Variants in IGF1R observed in about 807,000 individuals in gnomAD.
IGF1R encodes insulin like growth factor 1 receptor, also known as insulin-like growth factor 1 receptor.
IGF1R carries 44 observed loss-of-function variants against 144.6 expected under a neutral mutation model. The ratio of observed to expected loss-of-function variants is 0.30; its 90% CI spans 0.24 to 0.39. The LOEUF (loss-of-function observed/expected upper bound fraction) is 0.39. Among genes scored for constraint, IGF1R ranks in the 10% least tolerant of loss-of-function variants. The probability of loss-of-function intolerance (pLI) is 1.00; values close to 1 mark genes in which losing one functional copy is unlikely to be tolerated. For synonymous variants in IGF1R, 795 were observed against 722.8 expected (o/e 1.10, Z -1.60); for missense variants, 1,355 against 1,833.7 (o/e 0.74, Z 4.77).
intron 2 of IGF1R, among the ~76,000 whole-genome samples, chr15:98,826,784 A>G (rs1451237949): frequency 1.3e-5 from 2 of 152,240 alleles, no homozygotes; most frequent in African/African-American, 4.8e-5. Context: ...CTGGCAACCA[A>G]TGTGATAAAG....
intron 2 of IGF1R, among the ~76,000 whole-genome samples, chr15:98,817,664 G>A (rs2056724169): frequency 1.3e-5 from 2 of 152,178 alleles, no homozygotes; most frequent in African/African-American, 2.4e-5. Flanking sequence ...AACTGAGAGT[G>A]ATTGTCAGCT....
rs1359094777 is a variant in IGF1R at position 98,935,791 on chromosome 15, T to C, written c.3297+365T>C. Among the ~76,000 whole-genome samples the C allele has an allele frequency of 6.6e-6, 1 of 152,140 alleles. No homozygotes were observed. Among genetic ancestry groups the C allele is most frequent in the Non-Finnish European group, 1.5e-5 (1 of 68,030 alleles). On this transcript the variant is annotated intron_variant, in intron 17 of 20. Coordinates refer to ENST00000650285, the MANE Select transcript of IGF1R (RefSeq NM_000875.5). This position sits in a 1 kb window ranked among gnomAD's most constrained non-coding sequence, Gnocchi z 4.2. Reference sequence around the variant, plus strand: ...CCACTCCAGTAGCTATCTTCTCTGCTAACTTCTCGATGCGCTTGACTCACA... The same window carrying C: ...CCACTCCAGTAGCTATCTTCTCTGCCAACTTCTCGATGCGCTTGACTCACA...
chr15:98,897,084 G>A (rs559159953), intron 4 of IGF1R, among the ~76,000 whole-genome samples, 179 bp downstream of exon 4: 24 of 152,290 alleles, frequency 1.6e-4, no homozygotes, highest in African/African-American at 5.8e-4. Context: ...AGAACAGATT[G>A]AAAGGCAATC....
chr15:98,957,201 C>G lies in IGF1R; in HGVS notation c.3863C>G (p.Pro1288Arg), dbSNP rs1412431600. 6.2e-7 allele frequency: 1 copy of G among 1,614,084 alleles called. No homozygotes were observed. Among genetic ancestry groups the G allele is most frequent in the Non-Finnish European group, 8.5e-7 (1 of 1,180,024 alleles). ...SFYYSEENKL[P>R]EPEELDLEPE... ...TACTACAGCGAGGAGAACAAGCTGC[C>G]CGAGCCGGAGGAGCTGGACCTGGAG... is the stretch of plus-strand genomic sequence containing the variant. Residue 1288 changes from proline to arginine, a missense_variant, in exon 21 of 21, where the codon CCC (proline) becomes CGC (arginine). Around this residue, in one of 7 missense-constraint regions of IGF1R, gnomAD observed 219 missense variants for 188.8 expected, o/e 1.16. Coordinates refer to ENST00000650285, the MANE Select transcript of IGF1R (RefSeq NM_000875.5).
At chr15:98,833,118 C>T (rs1406101296) in intron 2 of IGF1R, among the ~76,000 whole-genome samples, 1 of 152,224 alleles carries the variant, frequency 6.6e-6, no homozygotes, top group African/African-American at 2.4e-5. Context: ...CTGGTACCCT[C>T]TCCTGAACTT....
chr15:98,746,634 A>T (rs1034537090), intron 2 of IGF1R, among the ~76,000 whole-genome samples: 4 of 152,186 alleles, frequency 2.6e-5, no homozygotes, highest in Admixed American at 2.0e-4. Context: ...AGAAAGGAAT[A>T]TTTCCAGACA....
chr15:98,743,362 C>T (rs1234044907), intron 2 of IGF1R, among the ~76,000 whole-genome samples: 1 of 152,156 alleles, frequency 6.6e-6, no homozygotes, highest in Non-Finnish European at 1.5e-5. Context: ...AGTCACTCAT[C>T]TCCTTGTTCA....
chr15:98,649,865 C>G (rs922838807), intron 1 of IGF1R, among the ~76,000 whole-genome samples, 190 bp downstream of exon 1: 1 of 152,148 alleles, frequency 6.6e-6, no homozygotes, highest in Non-Finnish European at 1.5e-5. Context: ...GCTCGTTCGT[C>G]TGGAGCCCCG....
At chr15:98,731,640 C>T (rs1422467070) in intron 2 of IGF1R, among the ~76,000 whole-genome samples, 1 of 152,120 alleles carries the variant, frequency 6.6e-6, no homozygotes, top group Non-Finnish European at 1.5e-5. Flanking sequence ...CCCTGAATGT[C>T]GTGTGGACAC....
intron 2 of IGF1R, among the ~76,000 whole-genome samples, chr15:98,766,053 G>A (rs1168204145): frequency 2.0e-5 from 3 of 152,206 alleles, no homozygotes; most frequent in Non-Finnish European, 4.4e-5. Context: ...AGACTGCAGG[G>A]CTTGGAGGCA....
At chr15:98,954,228 C>T (rs2016889460) in intron 20 of IGF1R, 2 of 151,966 alleles carry the variant, frequency 1.3e-5, no homozygotes, top group South Asian at 2.1e-4. Flanking sequence ...GACCGTCACC[C>T]AGCCTCCGGG....
chr15:98,746,068 C>T (rs765144022), intron 2 of IGF1R, among the ~76,000 whole-genome samples: 1 of 152,136 alleles, frequency 6.6e-6, no homozygotes, highest in Non-Finnish European at 1.5e-5. Flanking sequence ...GCCCTGCACC[C>T]CTGTGAATAG....
At chr15:98,706,781 A>G (rs1014559662) in intron 1 of IGF1R, among the ~76,000 whole-genome samples, 2 of 151,816 alleles carry the variant, frequency 1.3e-5, no homozygotes, top group Non-Finnish European at 2.9e-5. Context: ...AGATAGTGTT[A>G]ACATTGTTTA....
At chr15:98,665,566 G>C (rs905163464) in intron 1 of IGF1R, among the ~76,000 whole-genome samples, 13 of 152,192 alleles carry the variant, frequency 8.5e-5, no homozygotes, top group African/African-American at 3.1e-4. Flanking sequence ...GGATGTGAGT[G>C]GGACTATGTT....
chr15:98,947,075 C>T (rs1037412698), intron 19 of IGF1R, among the ~76,000 whole-genome samples: 22 of 152,168 alleles, frequency 1.4e-4, no homozygotes, highest in African/African-American at 5.3e-4. Context: ...GGCAGAGCTT[C>T]CCGCACAAAG....
At chr15:98,918,428 T>G (rs2015343530) in intron 10 of IGF1R, among the ~76,000 whole-genome samples, 1 of 152,236 alleles carries the variant, frequency 6.6e-6, no homozygotes, top group Non-Finnish European at 1.5e-5. Context: ...AGTGACCTTT[T>G]TGATATTTGC....
At chr15:98,839,567 C>T (rs185926133) in intron 2 of IGF1R, among the ~76,000 whole-genome samples, 192 of 152,330 alleles carry the variant, frequency 1.3e-3, no homozygotes, top group Middle Eastern at 3.4e-3. Context: ...AAATATTCAG[C>T]GAGACAGCCT....
At chr15:98,836,661 C>T (rs1341046317) in intron 2 of IGF1R, among the ~76,000 whole-genome samples, 1 of 152,064 alleles carries the variant, frequency 6.6e-6, no homozygotes, top group Non-Finnish European at 1.5e-5. Context: ...ATTTGAATTT[C>T]ACCAGTTTTC....
At chr15:98,796,453 G>A (rs895236627) in intron 2 of IGF1R, among the ~76,000 whole-genome samples, 16 of 152,198 alleles carry the variant, frequency 1.1e-4, no homozygotes, top group African/African-American at 3.9e-4. Context: ...TCCCTGACCT[G>A]TGCCAGGTGC....
Sources: allele counts gnomAD v4.1 joint callset (sites outside exome capture counted in the v4.1 genomes callset), GRCh38; gene constraint gnomAD v4.1.1; regional missense constraint gnomAD v4.1.1; non-coding constraint Gnocchi (gnomAD v3.1); transcripts MANE v1.5; gene names NCBI Gene and HGNC (gene_info 2026-07-23, HGNC 2026-07-21).